The following IMMT variants were observed in gnomAD, a reference collection of about 807,000 sequenced individuals.
IMMT encodes the protein MICOS complex subunit MIC60.
IMMT carries 40 observed loss-of-function variants against 92.7 expected under a neutral mutation model. That is an observed-to-expected ratio of 0.43 (90% CI 0.34 to 0.56). The LOEUF (loss-of-function observed/expected upper bound fraction) is 0.56, where lower values mean the gene tolerates loss of function less well. IMMT is among the 20% of genes least tolerant of loss of function. IMMT has a pLI of 0.03. For missense variants in IMMT, 831 were observed against 912.1 expected, an observed-to-expected ratio of 0.91 and a Z score of 1.14; for synonymous variants, 322 against 336.1, an observed-to-expected ratio of 0.96 and a Z score of 0.46.
intron 1 of IMMT, among the ~76,000 whole-genome samples, chr2:86,181,698 C>CA (rs576507426): frequency 0.02 from 2,844 of 144,484 alleles, 39 homozygotes; most frequent in Middle Eastern, 0.028. Flanking sequence ...TCTTAATTGG[C>CA]AAAAAAAAAA....
At chr2:86,146,274 C>G in intron 13 of IMMT, 77 bp from the exon 14 acceptor site, 5 of 1,305,636 alleles carry the variant, frequency 3.8e-6, no homozygotes, top group African/African-American at 1.5e-5. Flanking sequence ...CTTCCAGCAA[C>G]TACTTGCTGA....
Position 86,153,593 on chromosome 2 carries a change from A to C in IMMT, c.1163-19T>G. ...GAAACACCTACAAAGGAAAAAATAG[A>C]ACAGTTTGAAAAAAAAGAATGCACA... On this transcript the variant is annotated intron_variant, in intron 10 of 14. Coordinates refer to ENST00000410111, the MANE Select transcript of IMMT (RefSeq NM_006839.3). The C allele has an allele frequency of 7.0e-7, 1 of 1,434,540 alleles. No individual in the cohort carries two copies. Among genetic ancestry groups the C allele is most frequent in the Non-Finnish European group, 9.4e-7 (1 of 1,060,486 alleles). 88.9% of individuals were successfully genotyped at this position (1,434,540 alleles called of 1,614,324 possible).
At chr2:86,148,641 G>A (rs1235617783) in intron 12 of IMMT, among the ~76,000 whole-genome samples, 5 of 151,944 alleles carry the variant, frequency 3.3e-5, no homozygotes, top group East Asian at 1.9e-4. Flanking sequence ...AAATTAGTAA[G>A]TATCTGGTAG....
At chr2:86,183,014 A>G (rs528678818) in intron 1 of IMMT, among the ~76,000 whole-genome samples, 1 of 152,366 alleles carries the variant, frequency 6.6e-6, no homozygotes, top group Middle Eastern at 3.4e-3. Flanking sequence ...AAGTAGTATG[A>G]AATTGTAAAC....
chr2:86,181,372 T>G lies in IMMT; in HGVS notation c.46A>C (p.Ser16Arg). ...AGGACAAACTTCCCACAGAGACAAC[T>G]CTAAAGAAGGAAAACACATCACAAC... ...QLSGVTAAAQ[S>R]CLCGKFVLRP... is the part of the protein sequence containing the mutation. The change falls in exon 2 of 15, where the codon AGT becomes CGT. Residue 16 changes from serine to arginine, a missense_variant and splice_region_variant. Ser to Arg is a moderately radical substitution (Grantham distance 110, BLOSUM62 -1). Transcript: ENST00000410111. 1 of 1,612,356 alleles carries G rather than the reference T, an allele frequency of 6.2e-7. No homozygotes were observed. Among genetic ancestry groups the G allele is most frequent in the Non-Finnish European group, 8.5e-7 (1 of 1,178,618 alleles).
At chr2:86,150,448 G>A (rs1050257940) in intron 12 of IMMT, among the ~76,000 whole-genome samples, 1 of 152,096 alleles carries the variant, frequency 6.6e-6, no homozygotes, top group Non-Finnish European at 1.5e-5. Context: ...GAAGAGTATG[G>A]TGTCAGGGAG....
intron 1 of IMMT, among the ~76,000 whole-genome samples, chr2:86,185,345 A>G (rs1018239086): frequency 1.6e-4 from 25 of 152,224 alleles, no homozygotes; most frequent in African/African-American, 6.0e-4. Context: ...GGTGGGTTCA[A>G]AAATAAAACT....
At chr2:86,174,434 G>A (rs963102890) in intron 3 of IMMT, among the ~76,000 whole-genome samples, 1 of 152,192 alleles carries the variant, frequency 6.6e-6, no homozygotes, top group Non-Finnish European at 1.5e-5. Context: ...ACACAACAGG[G>A]TGGTTCTGAA....
rs369460913 is a variant in IMMT at position 86,159,572 on chromosome 2, G to A, written c.996C>T (p.His332=). 104 of 1,609,858 alleles carry A rather than the reference G, an allele frequency of 6.5e-5. No homozygotes were observed. The highest frequency in any genetic ancestry group is 8.0e-5 in the Non-Finnish European group (94 of 1,177,402). The change falls in exon 9 of 15, where the codon CAC becomes CAT. Residue 332 remains histidine (H), a synonymous_variant. Coordinates refer to ENST00000410111, the MANE Select transcript of IMMT (RefSeq NM_006839.3). ...PHITAAEGKL[H]NMIVDLDNVV... is the part of the protein sequence containing the mutation. ...CATTATCCAGATCAACTATCATGTT[G>A]TGAAGTTTACCCTCTGCAGCAGTTA...
At chr2:86,158,540 T>A in intron 10 of IMMT, 52 bp downstream of exon 10, 6 of 1,454,654 alleles carry the variant, frequency 4.1e-6, no homozygotes, top group Non-Finnish European at 5.6e-6. Context: ...TTTAGATTCA[T>A]TGATTAGTGG....
At chr2:86,179,381 T>C (rs967396697) in intron 3 of IMMT, 52 bp downstream of exon 3, 4 of 1,398,644 alleles carry the variant, frequency 2.9e-6, no homozygotes, top group Middle Eastern at 1.9e-4. Context: ...GAAAACAACT[T>C]GCTTTTAAAG....
At chr2:86,186,261 A>C (rs1392505496) in intron 1 of IMMT, among the ~76,000 whole-genome samples, 1 of 152,172 alleles carries the variant, frequency 6.6e-6, no homozygotes, top group Non-Finnish European at 1.5e-5. Flanking sequence ...GTCTTGGAGA[A>C]GGTTGTGAGT....
At chr2:86,167,423 C>T (rs1676774876) in intron 6 of IMMT, among the ~76,000 whole-genome samples, 1 of 151,366 alleles carries the variant, frequency 6.6e-6, no homozygotes, top group African/African-American at 2.4e-5. Flanking sequence ...TCCGCCCACC[C>T]TGGACTCCCA....
chr2:86,170,264 A>T (rs181703616), intron 6 of IMMT, among the ~76,000 whole-genome samples: 152 of 152,260 alleles, frequency 1.0e-3, no homozygotes, highest in Non-Finnish European at 1.3e-3. Flanking sequence ...AAAAATTTTT[A>T]AAAAATTAGC....
intron 1 of IMMT, among the ~76,000 whole-genome samples, chr2:86,193,813 G>C (rs1413641039): frequency 1.3e-5 from 2 of 152,042 alleles, no homozygotes; most frequent in African/African-American, 2.4e-5. Context: ...GCTATAAAAG[G>C]GTTCATTTTT....
chr2:86,156,593 C>CAAAAAAAA lies in IMMT; in HGVS notation c.1162+1991_1162+1998dup, dbSNP rs57252871. Among the ~76,000 whole-genome samples, 374 of 44,616 alleles carry CAAAAAAAA rather than the reference C, an allele frequency of 8.4e-3. 4 individuals are homozygous for CAAAAAAAA. The highest frequency in any genetic ancestry group is 0.027 in the African/African-American group (328 of 11,964). 29.3% of individuals were successfully genotyped at this position (44,616 alleles called of 152,430 possible). On this transcript the variant is annotated intron_variant, in intron 10 of 14. Coordinates refer to ENST00000410111, the MANE Select transcript of IMMT (RefSeq NM_006839.3). Reference sequence around the variant, plus strand: ...TGGGTGACACAGCAAGACTCCATCTCAAAAAAAAAAAAAAAAAAAAAGTTT... The same window carrying CAAAAAAAA: ...TGGGTGACACAGCAAGACTCCATCTCAAAAAAAAAAAAAAAAAAAAAAAAAAAAAGTTT...
intron 2 of IMMT, among the ~76,000 whole-genome samples, chr2:86,181,084 T>C (rs1672404322): frequency 6.6e-6 from 1 of 152,088 alleles, no homozygotes; most frequent in Non-Finnish European, 1.5e-5. Flanking sequence ...TCGGATGCCA[T>C]CCAATTACCA....
At chr2:86,177,389 G>A (rs1364579336) in intron 3 of IMMT, among the ~76,000 whole-genome samples, 1 of 151,938 alleles carries the variant, frequency 6.6e-6, no homozygotes, top group Non-Finnish European at 1.5e-5. Context: ...GATCACCTGA[G>A]GTCAGGAGTT....
intron 1 of IMMT, among the ~76,000 whole-genome samples, chr2:86,181,632 TAA>T (rs141010208): frequency 0.022 from 3,304 of 152,246 alleles, 65 homozygotes; most frequent in Non-Finnish European, 0.033. Context: ...CACCTTTAAA[TAA>T]GTCTTAAGTA....
Sources: gnomAD v4.1 joint callset for allele counts (sites outside exome capture counted in the v4.1 genomes callset) on GRCh38, gnomAD v4.1.1 for gene constraint, MANE v1.5 for transcripts, NCBI Gene and HGNC (gene_info 2026-07-23, HGNC 2026-07-21) for gene names.